STIM2: variants seen among roughly 807,000 people sequenced by gnomAD.
STIM2 encodes the protein stromal interaction molecule 2.
In STIM2, 31 loss-of-function variants were observed where a neutral mutation model predicts 85.8. The ratio of observed to expected loss-of-function variants is 0.36; its 90% CI spans 0.27 to 0.49. The LOEUF is 0.49. Among genes scored for constraint, STIM2 ranks in the 20% least tolerant of loss-of-function variants. The probability of loss-of-function intolerance (pLI) is 0.98; values close to 1 mark genes in which losing one functional copy is unlikely to be tolerated. For synonymous variants in STIM2, 356 were observed against 331.1 expected (o/e 1.08, Z -0.82); for missense variants, 841 against 927.6 (o/e 0.91, Z 1.21).
intron 1 of STIM2, among the ~76,000 whole-genome samples, chr4:26,885,837 A>ATG (rs1451416437): frequency 6.7e-5 from 2 of 29,642 alleles, no homozygotes; most frequent in Non-Finnish European, 1.2e-4. Context: ...ATATATATAT[A>ATG]TATATATATA....
At chr4:26,929,330 T>A (rs1725113427) in intron 2 of STIM2, among the ~76,000 whole-genome samples, 1 of 152,188 alleles carries the variant, frequency 6.6e-6, no homozygotes, top group Non-Finnish European at 1.5e-5. Context: ...TCTGCAGTTC[T>A]TGTACTATAG....
intron 10 of STIM2, among the ~76,000 whole-genome samples, chr4:27,011,431 C>A (rs1388219095): frequency 6.6e-6 from 1 of 152,182 alleles, no homozygotes; most frequent in African/African-American, 2.4e-5. Context: ...CAATGTGCAA[C>A]AAGCATCTTT....
At chr4:27,020,617 A>G (rs1728877758) in intron 11 of STIM2, among the ~76,000 whole-genome samples, 1 of 152,206 alleles carries the variant, frequency 6.6e-6, no homozygotes, top group Non-Finnish European at 1.5e-5. Context: ...AAATTCAGCA[A>G]TCTGAATATG....
At chr4:26,936,538 A>G (rs972700320) in intron 2 of STIM2, among the ~76,000 whole-genome samples, 2 of 152,222 alleles carry the variant, frequency 1.3e-5, no homozygotes, top group African/African-American at 2.4e-5. Flanking sequence ...GTCATAGGCC[A>G]TTTGAGAAAC....
chr4:26,879,654 C>T (rs183857117), intron 1 of STIM2, among the ~76,000 whole-genome samples: 1 of 152,254 alleles, frequency 6.6e-6, no homozygotes, highest in Non-Finnish European at 1.5e-5. Context: ...CCCATTATCT[C>T]ATAGATAGTA....
chr4:27,002,443 TA>T, intron 6 of STIM2, 49 bp downstream of exon 6: 1 of 1,472,262 alleles, frequency 6.8e-7, no homozygotes, highest in Non-Finnish European at 9.2e-7. Flanking sequence ...ATACAATTTG[TA>T]AAAAAAGTGA....
intron 3 of STIM2, among the ~76,000 whole-genome samples, chr4:26,980,512 G>A (rs1727343378): frequency 6.6e-6 from 1 of 150,754 alleles, no homozygotes; most frequent in South Asian, 2.1e-4. Context: ...CTCTGGATCT[G>A]GGAAATCAAT....
At chr4:26,967,844 G>A (rs1438390469) in intron 3 of STIM2, among the ~76,000 whole-genome samples, 1 of 152,022 alleles carries the variant, frequency 6.6e-6, no homozygotes, top group South Asian at 2.1e-4. Flanking sequence ...AACAGTGGGG[G>A]TTAGAGAGAG....
intron 1 of STIM2, among the ~76,000 whole-genome samples, chr4:26,885,853 A>ATATATATATATATATG (rs1723213081): frequency 1.7e-5 from 1 of 58,688 alleles, no homozygotes; most frequent in Admixed American, 1.9e-4. Flanking sequence ...ATATATATAT[A>ATATATATATATATATG]TATATATATA....
intron 1 of STIM2, among the ~76,000 whole-genome samples, chr4:26,882,452 TC>T (rs1723048360): frequency 6.9e-6 from 1 of 144,930 alleles, no homozygotes; most frequent in South Asian, 2.1e-4. Flanking sequence ...TTTCTTTCTT[TC>T]TTTTTTTTTG....
chr4:26,941,597 G>C (rs1725613405), intron 2 of STIM2, among the ~76,000 whole-genome samples: 1 of 152,086 alleles, frequency 6.6e-6, no homozygotes, highest in Non-Finnish European at 1.5e-5. Flanking sequence ...GAATCTCACT[G>C]ATGGCAGCGA....
chr4:26,994,159 C>T (rs866700144), intron 3 of STIM2, among the ~76,000 whole-genome samples: 3 of 152,178 alleles, frequency 2.0e-5, no homozygotes, highest in Middle Eastern at 6.8e-3. Context: ...TCACTTTTTC[C>T]TAAGCTCCAG....
At chr4:26,947,419 A>T (rs1725874694) in intron 2 of STIM2, among the ~76,000 whole-genome samples, 1 of 152,242 alleles carries the variant, frequency 6.6e-6, no homozygotes, top group Admixed American at 6.5e-5. Context: ...ATATAAAATG[A>T]TAAAGCTTGT....
chr4:26,869,563 CTG>C (rs1722535509), intron 1 of STIM2, among the ~76,000 whole-genome samples: 1 of 151,982 alleles, frequency 6.6e-6, no homozygotes, highest in East Asian at 1.9e-4. Context: ...TGGTCTCACT[CTG>C]TTGCCCAGGC....
At chr4:26,986,037 T>G (rs1426473192) in intron 3 of STIM2, among the ~76,000 whole-genome samples, 1 of 152,220 alleles carries the variant, frequency 6.6e-6, no homozygotes, top group Non-Finnish European at 1.5e-5. Context: ...GGTTAAGAGT[T>G]GGCCTTTGAA....
chr4:26,879,218 G>A (rs966702392), intron 1 of STIM2, among the ~76,000 whole-genome samples: 6 of 152,006 alleles, frequency 3.9e-5, no homozygotes, highest in African/African-American at 1.5e-4. Flanking sequence ...TTATGTAATC[G>A]ACATGACAGC....
chr4:26,900,003 T>G (rs1003877156), intron 1 of STIM2, among the ~76,000 whole-genome samples: 13 of 152,204 alleles, frequency 8.5e-5, no homozygotes, highest in African/African-American at 3.1e-4. Flanking sequence ...CTATTTCATA[T>G]AGTTTTCATG....
intron 1 of STIM2, among the ~76,000 whole-genome samples, chr4:26,865,256 A>T (rs540227712): frequency 6.6e-6 from 1 of 152,256 alleles, no homozygotes; most frequent in Non-Finnish European, 1.5e-5. Flanking sequence ...GATCTAGTCG[A>T]TTCTGAACAT....
chr4:27,024,827 A>G lies in STIM2; in HGVS notation c.*1831A>G, dbSNP rs1441603636. The G allele has an allele frequency of 6.6e-6, 1 of 152,216 alleles. No individual in the cohort carries two copies. The allele number at this position is 152,216 out of a possible 1,614,324, so 9.4% of individuals were successfully genotyped here. A position where few individuals can be genotyped will look rare whatever the true frequency, so the allele number is the denominator to read the frequency against. ...TCATTCAGAGTGAAGGGAAAACTTTATCCTTCTATTTCTTATAACCAGACA... is the reference window on the plus strand; with the variant it reads ...TCATTCAGAGTGAAGGGAAAACTTTGTCCTTCTATTTCTTATAACCAGACA... On this transcript the variant is annotated 3_prime_UTR_variant, in exon 12 of 12. Coordinates refer to ENST00000467087, the MANE Select transcript of STIM2 (RefSeq NM_020860.4).
Sources: gnomAD v4.1 joint callset for allele counts (sites outside exome capture counted in the v4.1 genomes callset) on GRCh38, gnomAD v4.1.1 for gene constraint, MANE v1.5 for transcripts, NCBI Gene and HGNC (gene_info 2026-07-23, HGNC 2026-07-21) for gene names.